RIMS2: variants seen among roughly 807,000 people sequenced by gnomAD.
The protein encoded by RIMS2 is regulating synaptic membrane exocytosis protein 2.
In RIMS2, 59 loss-of-function variants were observed where a neutral mutation model predicts 174.4. The observed-to-expected ratio is 0.34, with a 90% CI of 0.27 to 0.42. The LOEUF is 0.42. Among genes scored for constraint, RIMS2 ranks in the 10% least tolerant of loss-of-function variants. RIMS2 has a pLI of 1.00. For synonymous variants in RIMS2, 606 were observed against 572.5 expected (o/e 1.06, Z -0.84); for missense variants, 1,620 against 1,666.3 (o/e 0.97, Z 0.48).
intron 19 of RIMS2, among the ~76,000 whole-genome samples, chr8:104,181,414 G>A (rs570677941): frequency 5.9e-5 from 9 of 151,614 alleles, no homozygotes; most frequent in East Asian, 3.9e-4. Flanking sequence ...ACTTTTCACC[G>A]TTAGGAATAC....
intron 1 of RIMS2, among the ~76,000 whole-genome samples, chr8:103,549,419 T>C (rs4527837): frequency 0.18 from 27,831 of 151,948 alleles, 2,804 homozygotes; most frequent in African/African-American, 0.26. Flanking sequence ...CAAGCAAATG[T>C]TGAGAGATTT....
chr8:103,663,605 A>G (rs1458701601), intron 1 of RIMS2, among the ~76,000 whole-genome samples: 1 of 152,236 alleles, frequency 6.6e-6, no homozygotes, highest in Admixed American at 6.5e-5. Context: ...AAGGAGAACT[A>G]CAAACCACTG....
intron 1 of RIMS2, among the ~76,000 whole-genome samples, chr8:103,593,047 G>C (rs2094333203): frequency 1.3e-5 from 2 of 151,258 alleles, no homozygotes; most frequent in Admixed American, 1.3e-4. Context: ...ATTTACATTT[G>C]GATGTTTGAA....
intron 9 of RIMS2, 108 bp from the exon 13 acceptor site, chr8:103,921,564 C>G: frequency 1.6e-6 from 1 of 627,766 alleles, no homozygotes; most frequent in South Asian, 1.8e-5. Context: ...TATAATGACA[C>G]CTTGTGGACA....
At chr8:103,998,362 A>G (rs1260214345) in intron 17 of RIMS2, 2 of 559,044 alleles carry the variant, frequency 3.6e-6, no homozygotes, top group Non-Finnish European at 6.1e-6. Flanking sequence ...ATGGTTGTTA[A>G]TGAAATATAG....
chr8:103,651,273 A>G (rs1211850348), intron 1 of RIMS2, among the ~76,000 whole-genome samples: 1 of 152,136 alleles, frequency 6.6e-6, no homozygotes, highest in Non-Finnish European at 1.5e-5. Flanking sequence ...CTGAGGGTCA[A>G]GTTGTTTGCT....
chr8:103,558,495 A>G (rs1284710090), intron 1 of RIMS2, among the ~76,000 whole-genome samples: 1 of 152,188 alleles, frequency 6.6e-6, no homozygotes, highest in Admixed American at 6.5e-5. Context: ...AAGTATTGGG[A>G]TTATAGGCAT....
chr8:103,998,900 GA>G (rs2095261391), intron 17 of RIMS2, among the ~76,000 whole-genome samples: 1 of 151,742 alleles, frequency 6.6e-6, no homozygotes. Flanking sequence ...ACATTGGAGG[GA>G]AATCTCAGTT....
At chr8:104,105,287 T>C (rs2131351582) in intron 19 of RIMS2, among the ~76,000 whole-genome samples, 1 of 152,216 alleles carries the variant, frequency 6.6e-6, no homozygotes, top group African/African-American at 2.4e-5. Context: ...GGAAGGTAAA[T>C]ATTCAAGAAA....
chr8:103,899,040 A>G (rs2099311276), intron 4 of RIMS2, among the ~76,000 whole-genome samples: 1 of 151,694 alleles, frequency 6.6e-6, no homozygotes, highest in Non-Finnish European at 1.5e-5. Context: ...GTCCCTACAA[A>G]GGACATGAAC....
At chr8:103,706,142 A>G (rs914078714) in intron 2 of RIMS2, among the ~76,000 whole-genome samples, 2 of 152,142 alleles carry the variant, frequency 1.3e-5, no homozygotes, top group African/African-American at 4.8e-5. Context: ...GTTATTTTAA[A>G]CTGATGACAA....
At chr8:103,668,256 A>G (rs955993976) in intron 1 of RIMS2, among the ~76,000 whole-genome samples, 2 of 152,190 alleles carry the variant, frequency 1.3e-5, no homozygotes, top group South Asian at 2.1e-4. Flanking sequence ...AGTTTTGCTT[A>G]ATGTTACTGT....
chr8:103,638,405 C>G (rs907324186), intron 1 of RIMS2, among the ~76,000 whole-genome samples: 3 of 152,004 alleles, frequency 2.0e-5, no homozygotes, highest in African/African-American at 7.2e-5. Context: ...CTATTTTCTT[C>G]ATACCTTTCA....
chr8:103,959,532 T>C (rs1323325694), intron 14 of RIMS2, among the ~76,000 whole-genome samples: 1 of 151,968 alleles, frequency 6.6e-6, no homozygotes, highest in South Asian at 2.1e-4. Flanking sequence ...ACCTCCCTAG[T>C]AGCTGGGACT....
Position 104,182,651 on chromosome 8 carries a change from T to C in RIMS2, c.3335-62265T>C, listed in dbSNP as rs112802280. Among the ~76,000 whole-genome samples, 816 of 151,906 alleles carry C rather than the reference T, an allele frequency of 5.4e-3. 4 individuals carry two copies. Among genetic ancestry groups the C allele is most frequent in the African/African-American group, 0.018 (738 of 41,512 alleles). On this transcript the variant is annotated intron_variant, in intron 19 of 23. Transcript: ENST00000504942. ...GGAGTCATATAGTATGTGGTGTCTT[T>C]GACTGGCTTCTTTCGCTTAGCATAA... is the stretch of plus-strand genomic sequence containing the variant.
At chr8:103,744,433 A>G (rs1276225853) in intron 2 of RIMS2, among the ~76,000 whole-genome samples, 1 of 152,144 alleles carries the variant, frequency 6.6e-6, no homozygotes, top group Non-Finnish European at 1.5e-5. Flanking sequence ...TTGTGTCAAA[A>G]TTATATTATT....
chr8:103,559,388 T>C, intron 1 of RIMS2: 1 of 342,308 alleles, frequency 2.9e-6, no homozygotes, highest in South Asian at 2.5e-5. Flanking sequence ...CACGGCTGCT[T>C]CACGGTGGAG....
intron 7 of RIMS2, 117 bp downstream of exon 10, chr8:103,915,711 T>C: frequency 2.1e-6 from 1 of 474,354 alleles, no homozygotes. Context: ...AACTTAGATA[T>C]AAATCTCTAT....
chr8:103,696,554 T>C (rs1022052489), intron 1 of RIMS2, among the ~76,000 whole-genome samples: 1 of 152,012 alleles, frequency 6.6e-6, no homozygotes, highest in Admixed American at 6.6e-5. Context: ...TTATATTAAT[T>C]GGTTATTTAA....
Sources: gnomAD v4.1 joint callset for allele counts (sites outside exome capture counted in the v4.1 genomes callset) on GRCh38, gnomAD v4.1.1 for gene constraint, MANE v1.5 for transcripts, NCBI Gene and HGNC (gene_info 2026-07-23, HGNC 2026-07-21) for gene names.